The following ZNF681 variants were observed in gnomAD, a reference collection of about 807,000 sequenced individuals.
ZNF681 encodes hypothetical protein FLJ31526.
Under a neutral mutation model 56.0 loss-of-function variants are expected in ZNF681, and 37 were observed. That is an observed-to-expected ratio of 0.66 (90% CI 0.51 to 0.87). The LOEUF (loss-of-function observed/expected upper bound fraction) is 0.87. ZNF681 is among the 40% of genes least tolerant of loss of function. The pLI, the probability that ZNF681 is intolerant of heterozygous loss-of-function variation, is 0.00. For missense variants in ZNF681, 741 were observed against 744.9 expected, an observed-to-expected ratio of 0.99 and a Z score of 0.06; for synonymous variants, 225 against 248.6, an observed-to-expected ratio of 0.91 and a Z score of 0.89.
chr19:23,743,988 A>C lies in ZNF681; in HGVS notation c.1562T>G (p.Leu521Arg), dbSNP rs758218740. 3.7e-6 allele frequency: 6 copies of C among 1,612,784 alleles called. No homozygotes were observed. The East Asian group carries it at 1.3e-4, about 36-fold the overall frequency. The change falls in exon 4 of 4, where the codon CTT becomes CGT. Residue 521 changes from leucine (L) to arginine (R), a missense_variant. Leu to Arg is a moderately radical substitution (Grantham distance 102, BLOSUM62 -2). Transcript: ENST00000402377. ...AGTATGAATTTTCTTATGTTCAGTA[A>C]GTTTTGAGGATCGATAGAAAGCTTT... is the stretch of plus-strand genomic sequence containing the variant. ...CGKAFYRSSK[L>R]TEHKKIHTGE...
rs1335510530 is a variant in ZNF681 at position 23,743,589 on chromosome 19, G to T, written c.*23C>A. 3 of 1,454,072 alleles carry T rather than the reference G, an allele frequency of 2.1e-6. No individual in the cohort carries two copies. In the South Asian group the frequency reaches 4.6e-5, roughly 22 times the overall value. 90.1% of individuals were successfully genotyped at this position (1,454,072 alleles called of 1,614,324 possible). A position where few individuals can be genotyped will look rare whatever the true frequency, so the allele number is the denominator to read the frequency against. ...CAATCAAGTGTGACAACTTTTAAAG[G>T]TTTTGTTACATTCTTCACATTTCTA... On this transcript the variant is annotated 3_prime_UTR_variant, in exon 4 of 4. Coordinates refer to ENST00000402377, the MANE Select transcript of ZNF681 (RefSeq NM_138286.3).
At chr19:23,745,793 A>G (rs1413245151) in intron 3 of ZNF681, among the ~76,000 whole-genome samples, 4 of 152,118 alleles carry the variant, frequency 2.6e-5, no homozygotes, top group Non-Finnish European at 4.4e-5. Context: ...TGTAACAAAA[A>G]CATATTGACC....
At position 23,743,661 on chromosome 19, in the gene ZNF681, G is replaced by A; in HGVS notation, c.1889C>T (p.Thr630Ile). ...TCTTTTATGTTTAGAAAACTTTGAA[G>A]TGTTTTCAAAATCACTGTTACATCT... ...PKRCNSDFEN[T>I]SKFSKHKRNY... Residue 630 changes from threonine (T) to isoleucine (I), a missense_variant, in exon 4 of 4, where the codon ACT (threonine) becomes ATT (isoleucine). Physicochemically the swap from Thr to Ile is moderately conservative, Grantham distance 89. Coordinates refer to ENST00000402377, the MANE Select transcript of ZNF681 (RefSeq NM_138286.3). 1 of 1,559,340 alleles carries A rather than the reference G, an allele frequency of 6.4e-7. No homozygotes were observed. Among genetic ancestry groups the A allele is most frequent in the Non-Finnish European group, 8.7e-7 (1 of 1,155,302 alleles).
chr19:23,743,831 C>T lies in ZNF681; in HGVS notation c.1719G>A (p.Gln573=), dbSNP rs878943589. ...TCTTATGTCTAGTAAGGTGTGAGGACTGGTTAAAGGCTTTACCACATTCTT... is the reference window on the plus strand; with the variant it reads ...TCTTATGTCTAGTAAGGTGTGAGGATTGGTTAAAGGCTTTACCACATTCTT... The part of the protein sequence containing the change: ...QCEECGKAFN[Q]SSHLTRHKRI... Residue 573 remains glutamine (Q), a synonymous_variant, in exon 4 of 4, where the codon CAG becomes CAA. Transcript: ENST00000402377. The T allele has an allele frequency of 6.2e-7, 1 of 1,609,324 alleles. No individual in the cohort carries two copies. The highest frequency in any genetic ancestry group is 8.5e-7 in the Non-Finnish European group (1 of 1,177,954).
At position 23,743,687 on chromosome 19, in the gene ZNF681, T is replaced by G; in HGVS notation, c.1863A>C (p.Lys621Asn). Residue 621 changes from lysine (K) to asparagine (N), a missense_variant, in exon 4 of 4, where the codon AAA becomes AAC. Transcript: ENST00000402377. Reference sequence around the variant, plus strand: ...TGTTTTCAAAATCACTGTTACATCTTTTAGGTTTGTAGAGTTTCTCACCAG... The same window carrying G: ...TGTTTTCAAAATCACTGTTACATCTGTTAGGTTTGTAGAGTTTCTCACCAG... ...IHTGEKLYKP[K>N]RCNSDFENTS... 3 of 1,602,538 alleles carry G rather than the reference T, an allele frequency of 1.9e-6. No homozygotes were observed. Among genetic ancestry groups the G allele is most frequent in the Non-Finnish European group, 8.5e-7 (1 of 1,174,750 alleles).
chr19:23,744,481 T>C lies in ZNF681; in HGVS notation c.1069A>G (p.Lys357Glu), dbSNP rs1458294467. The C allele has an allele frequency of 1.9e-6, 3 of 1,578,426 alleles. No individual in the cohort carries two copies. Among genetic ancestry groups the C allele is most frequent in the South Asian group, 2.3e-5 (2 of 87,464 alleles). The change falls in exon 4 of 4, where the codon AAG becomes GAG. Residue 357 changes from lysine to glutamate, a missense_variant. Transcript: ENST00000402377. Reference sequence around the variant, plus strand: ...GGCTTCTCTCCAGTATGAATTATCTTATGTCTGGTAAGGTGTGAGGACTGG... The same window carrying C: ...GGCTTCTCTCCAGTATGAATTATCTCATGTCTGGTAAGGTGTGAGGACTGG... ...FNQSSHLTRHKIIHTGEKPYR... is the reference protein window; with the variant it reads ...FNQSSHLTRHEIIHTGEKPYR...
intron 3 of ZNF681, among the ~76,000 whole-genome samples, chr19:23,748,290 T>C (rs755204440): frequency 1.4e-4 from 21 of 152,158 alleles, no homozygotes; most frequent in Non-Finnish European, 2.5e-4. Context: ...AGCATTCCAC[T>C]GAAGGCTATA....
At chr19:23,758,348 C>A (rs1716536690) in intron 1 of ZNF681, among the ~76,000 whole-genome samples, 1 of 152,202 alleles carries the variant, frequency 6.6e-6, no homozygotes, top group African/African-American at 2.4e-5. Flanking sequence ...CGCGAGCCAC[C>A]GCGCCAGGCC....
At chr19:23,756,992 T>C (rs931901006) in intron 1 of ZNF681, among the ~76,000 whole-genome samples, 1 of 151,986 alleles carries the variant, frequency 6.6e-6, no homozygotes, top group Non-Finnish European at 1.5e-5. Flanking sequence ...GACCTCAGCC[T>C]CCAGAGTAGC....
chr19:23,753,371 C>T (rs1200975061), intron 3 of ZNF681, among the ~76,000 whole-genome samples: 9 of 152,400 alleles, frequency 5.9e-5, no homozygotes, highest in Admixed American at 5.2e-4. Context: ...TGCACTCCAG[C>T]CTGGGCAACA....
chr19:23,741,384 C>A lies in ZNF681; in HGVS notation c.*2228G>T, dbSNP rs1035079318. 1.3e-5 allele frequency: 2 copies of A among 152,030 alleles called. No individual in the cohort carries two copies. The highest frequency in any genetic ancestry group is 1.3e-4 in the Admixed American group (2 of 15,240). 9.4% of individuals were successfully genotyped at this position (152,030 alleles called of 1,614,324 possible). On this transcript the variant is annotated 3_prime_UTR_variant, in exon 4 of 4. Transcript: ENST00000402377. The stretch of plus-strand genomic sequence containing the variant: ...TGTTTTCTTATGACCATAAAAGAGA[C>A]CCTGTAGCCAACAACAATTTAATGT...
intron 3 of ZNF681, among the ~76,000 whole-genome samples, chr19:23,752,448 CT>C (rs1200477067): frequency 6.6e-6 from 1 of 152,164 alleles, no homozygotes; most frequent in Non-Finnish European, 1.5e-5. Context: ...ACTGAGTGAC[CT>C]GGAAAAATCC....
At chr19:23,757,651 C>T (rs913446917) in intron 1 of ZNF681, among the ~76,000 whole-genome samples, 1 of 151,956 alleles carries the variant, frequency 6.6e-6, no homozygotes, top group Admixed American at 6.6e-5. Flanking sequence ...AGCACCAGCC[C>T]TAGCAGCAGA....
In ZNF681 at chr19:23,743,431, TCA is replaced by T. The variant is rs1183076229; in HGVS notation, c.*179_*180del. 2.0e-6 allele frequency: 1 copy of T among 494,942 alleles called. No homozygotes were observed. The highest frequency in any genetic ancestry group is 2.0e-5 in the African/African-American group (1 of 50,502). 30.7% of individuals were successfully genotyped at this position (494,942 alleles called of 1,614,324 possible). A position where few individuals can be genotyped will look rare whatever the true frequency, so the allele number is the denominator to read the frequency against. On this transcript the variant is annotated 3_prime_UTR_variant, in exon 4 of 4. Transcript: ENST00000402377. The stretch of plus-strand genomic sequence containing the variant: ...ATGTGAACAGATATTAATGGCTTTT[TCA>T]CATTCTGTATATTTGAAATTTTTTT...
chr19:23,750,198 T>C (rs1311674349), intron 3 of ZNF681, among the ~76,000 whole-genome samples: 7 of 148,696 alleles, frequency 4.7e-5, no homozygotes, highest in South Asian at 2.1e-4. Context: ...GCTGGAGAAC[T>C]GCTTGAACCC....
In ZNF681 at chr19:23,744,598, C is replaced by T. The variant is rs777061207; in HGVS notation, c.952G>A (p.Ala318Thr). 6.2e-7 allele frequency: 1 copy of T among 1,614,054 alleles called. No individual in the cohort carries two copies. The highest frequency in any genetic ancestry group is 8.5e-7 in the Non-Finnish European group (1 of 1,179,978). The stretch of plus-strand genomic sequence containing the variant: ...GTAAGGTGTGAGGACTGGTTGAAAG[C>T]TTTGCCACATTCCTTATATTCATTG... ...KLNEYKECGK[A>T]FNQSSHLTRH... The change falls in exon 4 of 4, where the codon GCT becomes ACT. Residue 318 changes from alanine to threonine, a missense_variant. Physicochemically the swap from Ala to Thr is moderately conservative, Grantham distance 58. Coordinates refer to ENST00000402377, the MANE Select transcript of ZNF681 (RefSeq NM_138286.3).
In ZNF681 at chr19:23,743,724, T is replaced by A; in HGVS notation, c.1826A>T (p.Lys609Met). The change falls in exon 4 of 4, where the codon AAG (lysine) becomes ATG (methionine). Residue 609 changes from lysine to methionine, a missense_variant. Lys to Met is a moderately conservative substitution (Grantham distance 95). Transcript: ENST00000402377. The stretch of plus-strand genomic sequence containing the variant: ...GAGTTTCTCACCAGTATGAATTTTC[T>A]TATGTCCAGTAAGGTTTGAGGACTG... ...FNQSSNLTGH[K>M]KIHTGEKLYK... 1 of 1,611,786 alleles carries A rather than the reference T, an allele frequency of 6.2e-7. No individual in the cohort carries two copies. Among genetic ancestry groups the A allele is most frequent in the Non-Finnish European group, 8.5e-7 (1 of 1,178,672 alleles).
In ZNF681 at chr19:23,744,863, T is replaced by C. The variant is rs1018753569; in HGVS notation, c.687A>G (p.Glu229=). The C allele has an allele frequency of 6.8e-6, 11 of 1,613,336 alleles. No homozygotes were observed. The highest frequency in any genetic ancestry group is 6.7e-5 in the African/African-American group (5 of 74,928). The change falls in exon 4 of 4, where the codon GAA becomes GAG. Residue 229 remains glutamate, a synonymous_variant. Coordinates refer to ENST00000402377, the MANE Select transcript of ZNF681 (RefSeq NM_138286.3). ...IHIGEKSYIC[E]ECGKACNQFT... is the part of the protein sequence containing the mutation. ...ACTGGTTACAGGCTTTGCCACATTC[T>C]TCACATATGTACGATTTCTCTCCAA...
At chr19:23,745,380 A>T in intron 3 of ZNF681, 57 bp from the exon 4 acceptor site, 1 of 1,342,720 alleles carries the variant, frequency 7.4e-7, no homozygotes, top group Non-Finnish European at 9.9e-7. Flanking sequence ...AATATACTTT[A>T]CAAATCCAAC....
Sources: allele counts gnomAD v4.1 joint callset (sites outside exome capture counted in the v4.1 genomes callset), GRCh38; gene constraint gnomAD v4.1.1; transcripts MANE v1.5; gene names NCBI Gene and HGNC (gene_info 2026-07-23, HGNC 2026-07-21).